CDH18: variants seen among roughly 807,000 people sequenced by gnomAD.
CDH18 encodes the protein cadherin 18, also known as cadherin-18.
CDH18 carries 31 observed loss-of-function variants against 67.9 expected under a neutral mutation model. The observed-to-expected ratio is 0.46, with a 90% CI of 0.34 to 0.62. CDH18 has a LOEUF of 0.62. Among genes scored for constraint, CDH18 ranks in the 20% least tolerant of loss-of-function variants. The pLI is 0.01. For missense variants in CDH18, 890 were observed against 975.5 expected, an observed-to-expected ratio of 0.91 and a Z score of 1.17; for synonymous variants, 362 against 347.2, an observed-to-expected ratio of 1.04 and a Z score of -0.48.
intron 9 of CDH18, among the ~76,000 whole-genome samples, chr5:19,525,200 T>C (rs1447246448): frequency 6.6e-6 from 1 of 152,186 alleles, no homozygotes; most frequent in Non-Finnish European, 1.5e-5. Context: ...AGCTGTCACC[T>C]CTCACTGTCC....
Position 20,563,552 on chromosome 5 carries a change from A to AT in CDH18, c.-580+11909dup, listed in dbSNP as rs556382174. ...TAGAAAGGAAACTACTTAAATGTCA[A>AT]TTTTTTTTATTATACTTTAAGTTCT... On this transcript the variant is annotated intron_variant, in intron 1 of 14. Transcript: ENST00000507958. Among the ~76,000 whole-genome samples the AT allele has an allele frequency of 3.9e-4, 59 of 152,040 alleles. No individual in the cohort carries two copies. In the South Asian group the frequency reaches 0.011, roughly 28 times the overall value.
chr5:20,385,448 A>C (rs1546448), intron 1 of CDH18, among the ~76,000 whole-genome samples: 29,081 of 152,042 alleles, frequency 0.19, 3,069 homozygotes, highest in African/African-American at 0.26. Flanking sequence ...TAACAAGCAA[A>C]ATGAGAATCC....
At chr5:19,857,783 C>T (rs1784466096) in intron 2 of CDH18, among the ~76,000 whole-genome samples, 1 of 152,076 alleles carries the variant, frequency 6.6e-6, no homozygotes, top group East Asian at 1.9e-4. Flanking sequence ...AATTCAGACT[C>T]AGTGCTACAT....
At chr5:20,063,910 A>G (rs1742737507) in intron 2 of CDH18, among the ~76,000 whole-genome samples, 1 of 152,162 alleles carries the variant, frequency 6.6e-6, no homozygotes, top group Non-Finnish European at 1.5e-5. Context: ...TGCTCGGGGA[A>G]ACAACTGCTA....
intron 3 of CDH18, among the ~76,000 whole-genome samples, chr5:19,755,381 T>C (rs1395026641): frequency 7.2e-6 from 1 of 139,422 alleles, no homozygotes; most frequent in Admixed American, 7.5e-5. Context: ...GTTCATTCAA[T>C]GCTATTGTAT....
At chr5:19,535,402 A>C (rs1749257739) in intron 9 of CDH18, among the ~76,000 whole-genome samples, 1 of 152,220 alleles carries the variant, frequency 6.6e-6, no homozygotes, top group African/African-American at 2.4e-5. Flanking sequence ...AATTGCATAC[A>C]TCAAAATAAG....
chr5:19,761,235 T>G (rs1296243731), intron 3 of CDH18, among the ~76,000 whole-genome samples: 1 of 152,172 alleles, frequency 6.6e-6, no homozygotes, highest in Admixed American at 6.5e-5. Flanking sequence ...TCTTAGCAAA[T>G]TTGAGGCTCA....
intron 1 of CDH18, among the ~76,000 whole-genome samples, chr5:20,284,323 G>A (rs745487386): frequency 6.6e-6 from 1 of 151,880 alleles, no homozygotes; most frequent in Non-Finnish European, 1.5e-5. Flanking sequence ...TGTGGTGCAT[G>A]CCTGCATCAA....
chr5:20,395,399 C>T (rs923391944), intron 1 of CDH18, among the ~76,000 whole-genome samples: 1 of 152,058 alleles, frequency 6.6e-6, no homozygotes, highest in Non-Finnish European at 1.5e-5. Context: ...TATGGGTACT[C>T]AAAGGCCTGC....
At chr5:19,798,880 A>G (rs1284155475) in intron 3 of CDH18, among the ~76,000 whole-genome samples, 3 of 152,088 alleles carry the variant, frequency 2.0e-5, no homozygotes, top group Non-Finnish European at 4.4e-5. Flanking sequence ...TCATTATTAT[A>G]TGGCATATGT....
chr5:19,533,049 A>G (rs1748890708), intron 9 of CDH18, among the ~76,000 whole-genome samples: 1 of 152,174 alleles, frequency 6.6e-6, no homozygotes, highest in African/African-American at 2.4e-5. Flanking sequence ...GCAGATTAAA[A>G]TTTGAGAGCT....
chr5:19,831,941 A>G (rs1338234455), intron 3 of CDH18, among the ~76,000 whole-genome samples: 2 of 152,140 alleles, frequency 1.3e-5, no homozygotes, highest in Non-Finnish European at 2.9e-5. Flanking sequence ...AAAGAACAAA[A>G]TCATGTCCTT....
chr5:19,747,585 T>A (rs1759749884), intron 3 of CDH18, among the ~76,000 whole-genome samples: 1 of 152,132 alleles, frequency 6.6e-6, no homozygotes, highest in Admixed American at 6.5e-5. Flanking sequence ...ATTGTTGCCT[T>A]CCATACTTGT....
In CDH18 at chr5:20,037,863, C is replaced by A. The variant is rs181028126; in HGVS notation, c.-517-45849G>T. On this transcript the variant is annotated intron_variant, in intron 2 of 14. Transcript: ENST00000507958. Reference sequence around the variant, plus strand: ...AGAAATAACTAAGATCAGAGCAGAACTGAAGGAGACAGAGACACAAAAAAC... The same window carrying A: ...AGAAATAACTAAGATCAGAGCAGAAATGAAGGAGACAGAGACACAAAAAAC... Among the ~76,000 whole-genome samples the A allele has an allele frequency of 2.0e-5, 3 of 151,966 alleles. No individual in the cohort carries two copies. The East Asian group carries it at 5.9e-4, about 30-fold the overall frequency.
chr5:19,480,523 G>A (rs1347611122), intron 12 of CDH18, among the ~76,000 whole-genome samples: 3 of 151,458 alleles, frequency 2.0e-5, no homozygotes, highest in East Asian at 2.0e-4. Flanking sequence ...GACTACAGGC[G>A]CCCGCCACCA....
At chr5:20,077,324 C>A (rs965577197) in intron 2 of CDH18, among the ~76,000 whole-genome samples, 10 of 152,176 alleles carry the variant, frequency 6.6e-5, no homozygotes, top group Non-Finnish European at 1.3e-4. Context: ...TAACAATAAC[C>A]TTTTGCTATC....
rs1238665425 is a variant in CDH18 at position 20,546,475 on chromosome 5, G to T, written c.-580+28987C>A. On this transcript the variant is annotated intron_variant, in intron 1 of 14. Coordinates refer to the CDH18 transcript ENST00000507958. ...CTGACTCAAAGTTTTGCATGGATGG[G>T]AGGCCTCAGGAAATTTACAATCGTG... is the stretch of plus-strand genomic sequence containing the variant. Among the ~76,000 whole-genome samples the T allele has an allele frequency of 2.0e-5, 3 of 152,244 alleles. 1 individual carries two copies. The South Asian group carries it at 6.2e-4, about 32-fold the overall frequency.
At chr5:19,741,327 G>GTC (rs201636129) in intron 4 of CDH18, among the ~76,000 whole-genome samples, 269 of 46,576 alleles carry the variant, frequency 5.8e-3, no homozygotes, top group African/African-American at 0.012. Flanking sequence ...GTATATACAT[G>GTC]TCTCACACAC....
chr5:20,267,616 G>A (rs1028285620), intron 1 of CDH18, among the ~76,000 whole-genome samples: 5 of 152,000 alleles, frequency 3.3e-5, no homozygotes, highest in Non-Finnish European at 7.4e-5. Context: ...GTCTTTTACT[G>A]CCTTGGTTAA....
Sources: allele counts gnomAD v4.1 joint callset (sites outside exome capture counted in the v4.1 genomes callset), GRCh38; gene constraint gnomAD v4.1.1; transcripts MANE v1.5; gene names NCBI Gene and HGNC (gene_info 2026-07-23, HGNC 2026-07-21).